ACVR2A: variants seen among roughly 807,000 people sequenced by gnomAD.
ACVR2A encodes the protein activin receptor type-2A.
ACVR2A carries 7 observed loss-of-function variants against 61.4 expected under a neutral mutation model. The observed-to-expected ratio is 0.11, with a 90% CI of 0.06 to 0.21. The LOEUF (loss-of-function observed/expected upper bound fraction) is 0.21. Ranked by LOEUF, ACVR2A falls within the 10% of genes least tolerant of loss-of-function variation. The probability of loss-of-function intolerance (pLI) is 1.00; values close to 1 mark genes in which losing one functional copy is unlikely to be tolerated. For missense variants in ACVR2A, 322 were observed against 621.7 expected, an observed-to-expected ratio of 0.52 and a Z score of 5.13; for synonymous variants, 193 against 208.3, an observed-to-expected ratio of 0.93 and a Z score of 0.63.
chr2:147,926,204 C>A (rs748838448), intron 10 of ACVR2A, 43 bp downstream of exon 10: 7 of 1,586,252 alleles, frequency 4.4e-6, no homozygotes, highest in Non-Finnish European at 4.3e-6. Flanking sequence ...TCCAATAAAA[C>A]ACTTTTCAGA....
At chr2:147,897,743 A>G (rs1686774735) in intron 2 of ACVR2A, among the ~76,000 whole-genome samples, 1 of 152,184 alleles carries the variant, frequency 6.6e-6, no homozygotes, top group South Asian at 2.1e-4. Flanking sequence ...AAATTACAAC[A>G]CAGTCATTTA....
chr2:147,900,689 A>T (rs1039583177), intron 4 of ACVR2A: 5 of 152,040 alleles, frequency 3.3e-5, no homozygotes, highest in African/African-American at 1.2e-4. Flanking sequence ...ACGAAAACTG[A>T]TAACTTTTGG....
intron 1 of ACVR2A, among the ~76,000 whole-genome samples, chr2:147,875,535 A>G (rs1686132939): frequency 6.6e-6 from 1 of 152,094 alleles, no homozygotes; most frequent in African/African-American, 2.4e-5. Context: ...CCAGACGAAC[A>G]GTACACTTTG....
intron 1 of ACVR2A, among the ~76,000 whole-genome samples, chr2:147,863,120 A>G (rs982734235): frequency 1.4e-4 from 22 of 152,206 alleles, no homozygotes; most frequent in African/African-American, 2.4e-5. Context: ...GCTTACATCT[A>G]TTCTTTGGTA....
chr2:147,884,330 C>T (rs1686379163), intron 1 of ACVR2A, among the ~76,000 whole-genome samples: 1 of 152,052 alleles, frequency 6.6e-6, no homozygotes, highest in East Asian at 1.9e-4. Context: ...TGATGTAATT[C>T]ATCTTATGAG....
At chr2:147,926,990 A>G in intron 10 of ACVR2A, 90 bp from the exon 11 acceptor site, 1 of 1,263,350 alleles carries the variant, frequency 7.9e-7, no homozygotes, top group Non-Finnish European at 1.1e-6. Context: ...TGACCCAGAA[A>G]AATAGCCATT....
At chr2:147,887,687 A>C (rs565695349) in intron 1 of ACVR2A, among the ~76,000 whole-genome samples, 1 of 152,338 alleles carries the variant, frequency 6.6e-6, no homozygotes, top group East Asian at 1.9e-4. Flanking sequence ...AAATCAAACA[A>C]ATTAACATAT....
chr2:147,881,559 GGTTA>G (rs1234210722), intron 1 of ACVR2A, among the ~76,000 whole-genome samples: 3 of 145,130 alleles, frequency 2.1e-5, no homozygotes, highest in Non-Finnish European at 4.5e-5. Context: ...ATTGAATGCA[GGTTA>G]GTTAGCATCT....
At chr2:147,864,372 T>G (rs985354282) in intron 1 of ACVR2A, among the ~76,000 whole-genome samples, 1 of 152,026 alleles carries the variant, frequency 6.6e-6, no homozygotes, top group South Asian at 2.1e-4. Context: ...TGGGATTACA[T>G]GCGCGCTCTA....
Position 147,925,629 on chromosome 2 carries a change from C to A in ACVR2A, c.1217-402C>A, listed in dbSNP as rs73003450. ...ATAAACATGGTTATAATAGATTGAA[C>A]CTAGAGCCTCCAGAGCTGGAAGCAC... is the stretch of plus-strand genomic sequence containing the variant. On this transcript the variant is annotated intron_variant, in intron 9 of 10. Transcript: ENST00000241416. 6.3e-3 allele frequency: 987 copies of A among 156,598 alleles called. 9 individuals carry two copies. The highest frequency in any genetic ancestry group is 0.023 in the African/African-American group (952 of 41,528). The allele number at this position is 156,598 out of a possible 1,614,324, so 9.7% of individuals were successfully genotyped here. A position where few individuals can be genotyped will look rare whatever the true frequency, so the allele number is the denominator to read the frequency against.
At chr2:147,903,989 C>T (rs1686930859) in intron 4 of ACVR2A, among the ~76,000 whole-genome samples, 1 of 151,884 alleles carries the variant, frequency 6.6e-6, no homozygotes, top group South Asian at 2.1e-4. Flanking sequence ...CATTCAGGTG[C>T]TTTAGGGCTT....
Position 147,899,422 on chromosome 2 carries a change from A to G in ACVR2A, c.264-36A>G, listed in dbSNP as rs1333390650. On this transcript the variant is annotated intron_variant, in intron 2 of 10. Transcript: ENST00000241416. Reference sequence around the variant, plus strand: ...CTTGTTGTAGGGTCAGTATAATAATATTGATTTTAATTATTTTTTCTCTGC... The same window carrying G: ...CTTGTTGTAGGGTCAGTATAATAATGTTGATTTTAATTATTTTTTCTCTGC... The G allele has an allele frequency of 2.1e-6, 3 of 1,447,768 alleles. No individual in the cohort carries two copies. In the South Asian group the frequency reaches 3.7e-5, roughly 18 times the overall value. The allele number at this position is 1,447,768 out of a possible 1,614,324, so 89.7% of individuals were successfully genotyped here.
At chr2:147,864,576 T>C (rs773367098) in intron 1 of ACVR2A, among the ~76,000 whole-genome samples, 1 of 152,012 alleles carries the variant, frequency 6.6e-6, no homozygotes, top group African/African-American at 2.4e-5. Context: ...GAAACTGAGA[T>C]ATGAAGAGAA....
At chr2:147,848,983 AT>A (rs1685385885) in intron 1 of ACVR2A, among the ~76,000 whole-genome samples, 1 of 152,166 alleles carries the variant, frequency 6.6e-6, no homozygotes, top group Admixed American at 6.5e-5. Flanking sequence ...TTATCTTTTC[AT>A]TATCTTTTAA....
At chr2:147,888,664 G>A (rs1558803728) in intron 1 of ACVR2A, among the ~76,000 whole-genome samples, 3 of 150,134 alleles carry the variant, frequency 2.0e-5, no homozygotes, top group African/African-American at 7.3e-5. Context: ...TTAGTTCGGG[G>A]GCTGCTGCTG....
rs914880994 is a variant in ACVR2A at position 147,928,800 on chromosome 2, C to A, written c.*1526C>A. ...AATTGGATTCTTCCTCAAATTTATA[C>A]AGGCCAAAAAGTAAAACATTAATTT... On this transcript the variant is annotated 3_prime_UTR_variant, in exon 11 of 11. Coordinates refer to ENST00000241416, the MANE Select transcript of ACVR2A (RefSeq NM_001616.5). The A allele has an allele frequency of 2.6e-5, 4 of 152,302 alleles. No individual in the cohort carries two copies. Among genetic ancestry groups the A allele is most frequent in the African/African-American group, 9.7e-5 (4 of 41,346 alleles). The allele number at this position is 152,302 out of a possible 1,614,324, so 9.4% of individuals were successfully genotyped here.
intron 1 of ACVR2A, among the ~76,000 whole-genome samples, chr2:147,870,490 A>G (rs1685985030): frequency 6.6e-6 from 1 of 152,116 alleles, no homozygotes; most frequent in Non-Finnish European, 1.5e-5. Context: ...ATTTCGTACA[A>G]TTCTTTGGCC....
intron 1 of ACVR2A, among the ~76,000 whole-genome samples, chr2:147,889,063 T>C (rs750811307): frequency 2.0e-5 from 3 of 152,160 alleles, no homozygotes; most frequent in Non-Finnish European, 4.4e-5. Flanking sequence ...ACCACCGATA[T>C]GACCATATGA....
intron 1 of ACVR2A, among the ~76,000 whole-genome samples, chr2:147,854,335 T>C (rs1244978506): frequency 6.6e-6 from 1 of 152,186 alleles, no homozygotes; most frequent in Non-Finnish European, 1.5e-5. Context: ...ATTTAAAATA[T>C]CTTTTTTTCT....
Sources: gnomAD v4.1 joint callset for allele counts (sites outside exome capture counted in the v4.1 genomes callset) on GRCh38, gnomAD v4.1.1 for gene constraint, MANE v1.5 for transcripts, NCBI Gene and HGNC (gene_info 2026-07-23, HGNC 2026-07-21) for gene names.